PRICKLE2: variants seen among roughly 807,000 people sequenced by gnomAD.
PRICKLE2 encodes the protein prickle planar cell polarity protein 2, also known as prickle-like protein 2.
Under a neutral mutation model 81.4 loss-of-function variants are expected in PRICKLE2, and 21 were observed. That is an observed-to-expected ratio of 0.26 (90% CI 0.18 to 0.37). The LOEUF (loss-of-function observed/expected upper bound fraction) is 0.37, where lower values mean the gene tolerates loss of function less well. Among genes scored for constraint, PRICKLE2 ranks in the 10% least tolerant of loss-of-function variants. The pLI, the probability that PRICKLE2 is intolerant of heterozygous loss-of-function variation, is 1.00. For missense variants in PRICKLE2, 940 were observed against 1,109.0 expected, an observed-to-expected ratio of 0.85 and a Z score of 2.16; for synonymous variants, 456 against 421.5, an observed-to-expected ratio of 1.08 and a Z score of -1.00.
upstream of PRICKLE2, among the ~76,000 whole-genome samples, chr3:64,229,057 A>G (rs948436871): frequency 6.6e-6 from 1 of 152,152 alleles, no homozygotes; most frequent in African/African-American, 2.4e-5. Flanking sequence ...AGGCTGCAAA[A>G]ATTTGACCTT....
At chr3:64,116,237 A>G (rs983421880) in intron 7 of PRICKLE2, among the ~76,000 whole-genome samples, 1 of 152,196 alleles carries the variant, frequency 6.6e-6, no homozygotes, top group African/African-American at 2.4e-5. Context: ...TGTTCACATC[A>G]AAAAGTTAGA....
intron 2 of PRICKLE2, among the ~76,000 whole-genome samples, chr3:64,265,572 C>A (rs1356660549): frequency 6.6e-6 from 1 of 152,170 alleles, no homozygotes; most frequent in Admixed American, 6.5e-5. Context: ...ACCCACAGAT[C>A]TCTGCATACA....
intron 2 of PRICKLE2, among the ~76,000 whole-genome samples, chr3:64,258,927 G>A (rs1477990127): frequency 1.3e-5 from 2 of 151,578 alleles, no homozygotes; most frequent in African/African-American, 4.9e-5. Flanking sequence ...AAGTAGGGGT[G>A]CAAAAAGGGA....
chr3:64,161,429 C>G (rs1299176649), intron 3 of PRICKLE2, among the ~76,000 whole-genome samples: 1 of 152,106 alleles, frequency 6.6e-6, no homozygotes, highest in Non-Finnish European at 1.5e-5. Context: ...ACTGTCACAT[C>G]CTAATTTGAA....
intron 2 of PRICKLE2, among the ~76,000 whole-genome samples, chr3:64,177,452 G>C (rs1442476112): frequency 1.3e-5 from 2 of 152,046 alleles, no homozygotes; most frequent in Admixed American, 1.3e-4. Flanking sequence ...CCATTTTTAA[G>C]TGTACAATTC....
At chr3:64,128,990 A>G (rs1226308562) in intron 7 of PRICKLE2, among the ~76,000 whole-genome samples, 1 of 151,736 alleles carries the variant, frequency 6.6e-6, no homozygotes, top group African/African-American at 2.4e-5. Flanking sequence ...TGTCCTGTGC[A>G]TTGTGGGATG....
At chr3:64,152,840 G>T (rs553513705) in intron 6 of PRICKLE2, among the ~76,000 whole-genome samples, 72 of 152,292 alleles carry the variant, frequency 4.7e-4, no homozygotes, top group Non-Finnish European at 8.1e-4. Context: ...AAGAGACACA[G>T]TTCCTCTCCT....
chr3:64,152,234 G>A (rs1472817723), intron 6 of PRICKLE2, among the ~76,000 whole-genome samples: 6 of 152,038 alleles, frequency 3.9e-5, no homozygotes, highest in Non-Finnish European at 7.4e-5. Flanking sequence ...GTAAGAAATC[G>A]GCAGCTTCTG....
chr3:64,263,121 G>A (rs557752130), intron 2 of PRICKLE2, among the ~76,000 whole-genome samples: 64 of 152,278 alleles, frequency 4.2e-4, no homozygotes, highest in South Asian at 8.3e-4. Flanking sequence ...CACACATGGC[G>A]CCTTTTTTTG....
intron 7 of PRICKLE2, among the ~76,000 whole-genome samples, chr3:64,123,236 G>A (rs1229398888): frequency 2.0e-5 from 3 of 152,140 alleles, no homozygotes; most frequent in African/African-American, 7.2e-5. Context: ...AAGAAGAGGT[G>A]GGTTAAAATA....
intron 2 of PRICKLE2, among the ~76,000 whole-genome samples, chr3:64,248,958 G>A (rs1163801801): frequency 6.6e-6 from 1 of 152,054 alleles, no homozygotes; most frequent in Non-Finnish European, 1.5e-5. Context: ...AAATACCTTT[G>A]ATTTATTAAG....
chr3:64,152,505 C>G (rs1451861749), intron 6 of PRICKLE2, among the ~76,000 whole-genome samples: 1 of 151,832 alleles, frequency 6.6e-6, no homozygotes, highest in African/African-American at 2.4e-5. Context: ...AGTTTATGGA[C>G]TATTTGAAGT....
In PRICKLE2 at chr3:64,098,854, G is replaced by T; in HGVS notation, c.*197C>A. ...CTACTGTGTTTCCAAAGTGAAATGT[G>T]CAAATAATATTCAACATGCCAAGAA... On this transcript the variant is annotated 3_prime_UTR_variant, in exon 8 of 8. Transcript: ENST00000638394. 1.6e-6 allele frequency: 1 copy of T among 637,492 alleles called. No homozygotes were observed. 39.5% of individuals were successfully genotyped at this position (637,492 alleles called of 1,614,324 possible).
chr3:64,233,929 T>C (rs2079142519), intron 2 of PRICKLE2, among the ~76,000 whole-genome samples: 1 of 152,232 alleles, frequency 6.6e-6, no homozygotes, highest in African/African-American at 2.4e-5. Context: ...TGAAAACATA[T>C]AATATGTGGC....
At chr3:64,145,872 T>A (rs757071655) in intron 7 of PRICKLE2, 11 of 152,004 alleles carry the variant, frequency 7.2e-5, no homozygotes, top group Non-Finnish European at 1.5e-4. Flanking sequence ...ACCTCTTTTA[T>A]AAGGGCATTA....
At position 64,197,322 on chromosome 3, in the gene PRICKLE2, T is replaced by C. The variant is rs573193037; in HGVS notation, c.144+1462A>G. Among the ~76,000 whole-genome samples the C allele has an allele frequency of 3.9e-5, 6 of 152,326 alleles. No homozygotes were observed. In the East Asian group the frequency reaches 1.2e-3, roughly 29 times the overall value. On this transcript the variant is annotated intron_variant, in intron 2 of 7. Coordinates refer to ENST00000638394, the MANE Select transcript of PRICKLE2 (RefSeq NM_198859.4). ...AATGGTATTAACGTTTTTAGGTCTTTGAGGAATTGTCACACTGTCTTCCAC... is the reference window on the plus strand; with the variant it reads ...AATGGTATTAACGTTTTTAGGTCTTCGAGGAATTGTCACACTGTCTTCCAC...
intron 7 of PRICKLE2, among the ~76,000 whole-genome samples, chr3:64,121,694 G>A (rs1043468874): frequency 1.3e-5 from 2 of 152,174 alleles, no homozygotes; most frequent in African/African-American, 4.8e-5. Flanking sequence ...ATGTAGCCAT[G>A]GGGGAGGGTG....
chr3:64,179,019 C>CTTTCTTTCTTTCTTTCTTTCT (rs2078078388), intron 2 of PRICKLE2, among the ~76,000 whole-genome samples: 1 of 132,236 alleles, frequency 7.6e-6, no homozygotes, highest in African/African-American at 2.9e-5. Flanking sequence ...TTCTTTCTTT[C>CTTTCTTTCTTTCTTTCTTTCT]TTTCTTTCTT....
intron 1 of PRICKLE2, among the ~76,000 whole-genome samples, chr3:64,215,762 G>A (rs1339001987): frequency 2.0e-5 from 3 of 152,158 alleles, no homozygotes; most frequent in Non-Finnish European, 2.9e-5. Context: ...CTTAAGATGA[G>A]GTAGAGAAAA....
Sources: gnomAD v4.1 joint callset for allele counts (sites outside exome capture counted in the v4.1 genomes callset) on GRCh38, gnomAD v4.1.1 for gene constraint, MANE v1.5 for transcripts, NCBI Gene and HGNC (gene_info 2026-07-23, HGNC 2026-07-21) for gene names.